The following DPY19L2 variants were observed in gnomAD, a reference collection of about 807,000 sequenced individuals.
DPY19L2 encodes dpy-19 like 2, also known as probable C-mannosyltransferase DPY19L2.
DPY19L2 carries 34 observed loss-of-function variants against 97.9 expected under a neutral mutation model. That is an observed-to-expected ratio of 0.35 (90% CI 0.26 to 0.46). The LOEUF (loss-of-function observed/expected upper bound fraction) is 0.46. Ranked by LOEUF, DPY19L2 falls within the 20% of genes least tolerant of loss-of-function variation. The probability of loss-of-function intolerance (pLI) is 1.00; values close to 1 mark genes in which losing one functional copy is unlikely to be tolerated. For missense variants in DPY19L2, 623 were observed against 911.4 expected (o/e 0.68, Z 4.07); for synonymous variants, 230 against 307.9 (o/e 0.75, Z 2.65).
chr12:63,600,192 T>A, intron 13 of DPY19L2, 114 bp downstream of exon 13: 1 of 828,368 alleles, frequency 1.2e-6, no homozygotes. Flanking sequence ...TCTAGAGACC[T>A]TAGAGAAGGC....
chr12:63,668,356 G>T lies in DPY19L2; in HGVS notation c.38C>A (p.Ser13Tyr), dbSNP rs1480895130. 11 of 1,613,310 alleles carry T rather than the reference G, an allele frequency of 6.8e-6. No individual in the cohort carries two copies. The highest frequency in any genetic ancestry group is 9.3e-6 in the Non-Finnish European group (11 of 1,179,862). Reference protein sequence around the residue: ...KQGVSSKRLQSSGRSQSKGRR... With the variant: ...KQGVSSKRLQYSGRSQSKGRR... ...CCCCTTAGACTGGCTGCGGCCGGAA[G>T]ATTGCAGCCGCTTTGAGCTTACTCC... Residue 13 changes from serine to tyrosine, a missense_variant, in exon 1 of 22, where the codon TCT becomes TAT. Around this residue, in one of 6 missense-constraint regions of DPY19L2, gnomAD observed 144 missense variants for 119.4 expected, o/e 1.21. Coordinates refer to ENST00000324472, the MANE Select transcript of DPY19L2 (RefSeq NM_173812.5).
At chr12:63,639,966 G>C (rs537203153) in intron 6 of DPY19L2, among the ~76,000 whole-genome samples, 1 of 152,268 alleles carries the variant, frequency 6.6e-6, no homozygotes, top group East Asian at 1.9e-4. Context: ...GTCCAACAAT[G>C]ATAGACTCGA....
chr12:63,637,924 A>T (rs556363935), intron 6 of DPY19L2, among the ~76,000 whole-genome samples: 15 of 152,282 alleles, frequency 9.9e-5, no homozygotes, highest in African/African-American at 3.6e-4. Context: ...ATTTTAGACC[A>T]ATATCCCTGA....
chr12:63,611,416 T>C (rs1051057387), intron 11 of DPY19L2, among the ~76,000 whole-genome samples: 5 of 151,444 alleles, frequency 3.3e-5, no homozygotes, highest in African/African-American at 9.7e-5. Flanking sequence ...TTGCCAAGCC[T>C]GCAAACACTT....
intron 16 of DPY19L2, 49 bp downstream of exon 16, chr12:63,594,034 GTTAT>G: frequency 8.0e-7 from 1 of 1,254,946 alleles, no homozygotes; most frequent in Non-Finnish European, 1.1e-6. Context: ...GTTACAGTAA[GTTAT>G]TTAATAATGG....
intron 19 of DPY19L2, among the ~76,000 whole-genome samples, chr12:63,576,474 C>T (rs1879850717): frequency 6.6e-6 from 1 of 151,444 alleles, no homozygotes; most frequent in Non-Finnish European, 1.5e-5. Context: ...AAAGAAAGGG[C>T]ATCCAAATTT....
At chr12:63,575,946 G>T (rs141632012) in intron 19 of DPY19L2, among the ~76,000 whole-genome samples, 4 of 151,932 alleles carry the variant, frequency 2.6e-5, no homozygotes, top group Admixed American at 6.6e-5. Context: ...CATTGTATGA[G>T]ACCAATATCA....
Position 63,570,780 on chromosome 12 carries a change from G to A in DPY19L2, c.1978C>T (p.His660Tyr). The change falls in exon 20 of 22, where the codon CAT becomes TAT. Residue 660 changes from histidine (H) to tyrosine (Y), a missense_variant. Coordinates refer to ENST00000324472, the MANE Select transcript of DPY19L2 (RefSeq NM_173812.5). ...AACCTCAAGTCTGCATCTTCGTAAT[G>A]TGGATGATTCACAATGGGATGAAGT... ...STLHPIVNHP[H>Y]YEDADLRART... 1 of 1,611,478 alleles carries A rather than the reference G, an allele frequency of 6.2e-7. No individual in the cohort carries two copies. The highest frequency in any genetic ancestry group is 8.5e-7 in the Non-Finnish European group (1 of 1,178,762).
At chr12:63,584,215 CAA>C (rs2137388310) in intron 16 of DPY19L2, 1 of 156,864 alleles carries the variant, frequency 6.4e-6, no homozygotes, top group Non-Finnish European at 1.4e-5. Context: ...TCATTTTTCA[CAA>C]TTACAAATAA....
intron 11 of DPY19L2, among the ~76,000 whole-genome samples, chr12:63,615,642 G>A (rs938146977): frequency 5.3e-5 from 8 of 152,260 alleles, no homozygotes; most frequent in Admixed American, 5.2e-4. Flanking sequence ...AAACCAGGCA[G>A]ATATGCAGGA....
chr12:63,665,760 T>C (rs1468206539), intron 2 of DPY19L2, 75 bp downstream of exon 2: 3 of 1,179,000 alleles, frequency 2.5e-6, no homozygotes, highest in Non-Finnish European at 3.6e-6. Context: ...AGTTATTGTT[T>C]TACTGTATGC....
At chr12:63,629,183 C>T (rs1161304990) in intron 6 of DPY19L2, among the ~76,000 whole-genome samples, 26 of 151,990 alleles carry the variant, frequency 1.7e-4, no homozygotes, top group Non-Finnish European at 3.1e-4. Context: ...AGGAACGCAG[C>T]TCCTCACCAG....
At chr12:63,574,167 A>G (rs567868983) in intron 19 of DPY19L2, among the ~76,000 whole-genome samples, 2 of 152,116 alleles carry the variant, frequency 1.3e-5, no homozygotes, top group South Asian at 4.2e-4. Context: ...AAAAGGTAAA[A>G]AGTGGGGAGA....
intron 11 of DPY19L2, among the ~76,000 whole-genome samples, chr12:63,612,232 T>A (rs1887127435): frequency 6.6e-6 from 1 of 151,940 alleles, no homozygotes; most frequent in South Asian, 2.1e-4. Context: ...GACCAGGTGA[T>A]TTGCACTAAA....
chr12:63,573,400 G>T (rs557841488), intron 19 of DPY19L2, among the ~76,000 whole-genome samples: 1 of 151,788 alleles, frequency 6.6e-6, no homozygotes, highest in Non-Finnish European at 1.5e-5. Context: ...AATACACAGA[G>T]GAGGTGAAAA....
chr12:63,659,850 A>G (rs1895444512), intron 4 of DPY19L2, among the ~76,000 whole-genome samples: 1 of 152,152 alleles, frequency 6.6e-6, no homozygotes, highest in Non-Finnish European at 1.5e-5. Flanking sequence ...GGCACATTTT[A>G]TTACATGTAA....
intron 12 of DPY19L2, among the ~76,000 whole-genome samples, chr12:63,605,374 C>T (rs1375031083): frequency 6.6e-5 from 10 of 152,180 alleles, no homozygotes; most frequent in Admixed American, 6.5e-4. Flanking sequence ...TCCCTGGAAC[C>T]TCTTTCTGAG....
chr12:63,621,757 A>G (rs979282452), intron 8 of DPY19L2, among the ~76,000 whole-genome samples: 4 of 152,200 alleles, frequency 2.6e-5, no homozygotes, highest in South Asian at 4.1e-4. Flanking sequence ...GAAGAGAAAT[A>G]TAAGTGCTGA....
At chr12:63,577,249 T>C (rs1303866333) in intron 19 of DPY19L2, among the ~76,000 whole-genome samples, 1 of 152,102 alleles carries the variant, frequency 6.6e-6, no homozygotes, top group Non-Finnish European at 1.5e-5. Flanking sequence ...AGAATGAATC[T>C]ACACCCCTAT....
Sources: gnomAD v4.1 joint callset for allele counts (sites outside exome capture counted in the v4.1 genomes callset) on GRCh38, gnomAD v4.1.1 for gene constraint, gnomAD v4.1.1 regional missense constraint, MANE v1.5 for transcripts, NCBI Gene and HGNC (gene_info 2026-07-23, HGNC 2026-07-21) for gene names.